The following VTCN1 variants were observed in gnomAD, a reference collection of about 807,000 sequenced individuals.
VTCN1 encodes V-set domain containing T cell activation inhibitor 1, also known as V-set domain-containing T-cell activation inhibitor 1.
A neutral mutation model predicts 26.5 loss-of-function variants in VTCN1; 26 were observed. That is an observed-to-expected ratio of 0.98 (90% CI 0.72 to 1.36). The LOEUF (loss-of-function observed/expected upper bound fraction) is 1.36, where lower values mean the gene tolerates loss of function less well. Among genes scored for constraint, VTCN1 ranks in the 40% most tolerant of loss-of-function variants. VTCN1 has a pLI of 0.00. For synonymous variants in VTCN1, 116 were observed against 130.7 expected, an observed-to-expected ratio of 0.89 and a Z score of 0.77; for missense variants, 298 against 337.7, an observed-to-expected ratio of 0.88 and a Z score of 0.92.
At position 117,204,797 on chromosome 1, in the gene VTCN1, T is replaced by C. The variant is rs1648960038; in HGVS notation, c.32+6027A>G. On this transcript the variant is annotated intron_variant, in intron 1 of 5. Coordinates refer to ENST00000369458, the MANE Select transcript of VTCN1 (RefSeq NM_024626.4). The stretch of plus-strand genomic sequence containing the variant: ...AGGAGAATCACTTGAACATGGGAGG[T>C]GAAAGTTGCAGTGAGCCGAGATCAC... 2.0e-5 allele frequency among the ~76,000 whole-genome samples: 3 copies of C among 146,806 alleles called. No homozygotes were observed. In the Middle Eastern group the frequency reaches 0.011, roughly 521 times the overall value.
chr1:117,150,935 A>G (rs1003748451), intron 4 of VTCN1, among the ~76,000 whole-genome samples: 3 of 152,196 alleles, frequency 2.0e-5, no homozygotes, highest in African/African-American at 7.2e-5. Context: ...ATGTCATAGC[A>G]TATGATAGGA....
intron 2 of VTCN1, among the ~76,000 whole-genome samples, chr1:117,168,721 GA>G (rs1268194621): frequency 6.6e-6 from 1 of 152,060 alleles, no homozygotes; most frequent in African/African-American, 2.4e-5. Context: ...TACCCCAATA[GA>G]AAAAAATGAA....
chr1:117,184,331 G>A (rs890385399), intron 1 of VTCN1, among the ~76,000 whole-genome samples: 2 of 151,986 alleles, frequency 1.3e-5, no homozygotes, highest in African/African-American at 2.4e-5. Context: ...GAGGCTGACT[G>A]AGCTTGTCCT....
intron 1 of VTCN1, among the ~76,000 whole-genome samples, chr1:117,181,320 T>G (rs1647660782): frequency 2.6e-5 from 4 of 152,134 alleles, no homozygotes; most frequent in Admixed American, 2.0e-4. Context: ...TAACTCCTGA[T>G]TGCTTATGAA....
chr1:117,178,736 T>C (rs4659165), intron 1 of VTCN1, among the ~76,000 whole-genome samples: 1 of 151,168 alleles, frequency 6.6e-6, no homozygotes, highest in African/African-American at 2.4e-5. Flanking sequence ...TGGGACTACA[T>C]ACATGTGCCA....
intron 1 of VTCN1, among the ~76,000 whole-genome samples, chr1:117,170,979 T>C (rs1398536673): frequency 6.6e-6 from 1 of 152,144 alleles, no homozygotes; most frequent in African/African-American, 2.4e-5. Flanking sequence ...ATGCATTATT[T>C]GTCCTAATGC....
In VTCN1 at chr1:117,145,477, C is replaced by A. The variant is rs1277436152; in HGVS notation, c.*46-252G>T. Among the ~76,000 whole-genome samples the A allele has an allele frequency of 6.6e-6, 1 of 152,024 alleles. No homozygotes were observed. Among genetic ancestry groups the A allele is most frequent in the Admixed American group, 6.6e-5 (1 of 15,260 alleles). On this transcript the variant is annotated intron_variant, in intron 5 of 5. Coordinates refer to ENST00000369458, the MANE Select transcript of VTCN1 (RefSeq NM_024626.4). This position sits in a 1 kb window ranked among gnomAD's most constrained non-coding sequence, Gnocchi z 4.6. ...GTCTCAAGGAAGAGAAGAGATGGGT[C>A]CTTATAGTAAATGAGAACTGAGAGG... is the stretch of plus-strand genomic sequence containing the variant.
At chr1:117,181,772 C>T (rs979772425) in intron 1 of VTCN1, among the ~76,000 whole-genome samples, 2 of 152,124 alleles carry the variant, frequency 1.3e-5, no homozygotes, top group African/African-American at 4.8e-5. Context: ...AGAGGAAGAA[C>T]AGGGCAGGCT....
rs1264051194 is a variant in VTCN1 at position 117,147,592 on chromosome 1, AC to A, written c.*45+20del. ...AGCACCCACAGAACCAATATCCCAC[AC>A]TATTTGTGATTAATCTCACCTGTTG... On this transcript the variant is annotated intron_variant, in intron 5 of 5. Transcript: ENST00000369458. This position sits in a 1 kb window ranked among gnomAD's most constrained non-coding sequence, Gnocchi z 4.6. 6.3e-7 allele frequency: 1 copy of A among 1,588,458 alleles called. No individual in the cohort carries two copies. Among genetic ancestry groups the A allele is most frequent in the Non-Finnish European group, 8.6e-7 (1 of 1,168,598 alleles).
chr1:117,161,105 C>A lies in VTCN1; in HGVS notation c.98-4184G>T, dbSNP rs1450137090. ...CTGGGAGACGAATTATGAAAGAGGA[C>A]AAAATGAAGTTTTTGCTGTGTAATA... On this transcript the variant is annotated intron_variant, in intron 2 of 5. Transcript: ENST00000369458. The surrounding 1 kb of genome is among the most constrained non-coding windows in gnomAD (Gnocchi z 4.3). 6.6e-6 allele frequency among the ~76,000 whole-genome samples: 1 copy of A among 152,158 alleles called. No individual in the cohort carries two copies. Among genetic ancestry groups the A allele is most frequent in the Non-Finnish European group, 1.5e-5 (1 of 68,016 alleles).
At chr1:117,168,749 CAT>C (rs1023577036) in intron 2 of VTCN1, among the ~76,000 whole-genome samples, 147 of 152,094 alleles carry the variant, frequency 9.7e-4, no homozygotes, top group African/African-American at 3.3e-3. Context: ...ATAAAATACA[CAT>C]GTTATTTACT....
At chr1:117,157,597 T>C (rs1439943984) in intron 2 of VTCN1, among the ~76,000 whole-genome samples, 1 of 152,166 alleles carries the variant, frequency 6.6e-6, no homozygotes, top group Non-Finnish European at 1.5e-5. Flanking sequence ...CCACAACACA[T>C]GGGAATTATG....
At chr1:117,148,318 T>C (rs1215612678) in intron 4 of VTCN1, among the ~76,000 whole-genome samples, 1 of 152,240 alleles carries the variant, frequency 6.6e-6, no homozygotes, top group Non-Finnish European at 1.5e-5. Context: ...TGTGTGACTT[T>C]AGGCAAGTTA....
chr1:117,162,086 G>C (rs1326234012), intron 2 of VTCN1, among the ~76,000 whole-genome samples: 1 of 152,102 alleles, frequency 6.6e-6, no homozygotes, highest in Non-Finnish European at 1.5e-5. Flanking sequence ...CCTGCTGCAG[G>C]TTCTAGTCAT....
intron 4 of VTCN1, among the ~76,000 whole-genome samples, chr1:117,150,983 A>G (rs1231086710): frequency 1.3e-5 from 2 of 152,150 alleles, no homozygotes; most frequent in African/African-American, 4.8e-5. Flanking sequence ...ATTCTATTGT[A>G]TGTGTATACC....
rs931921501 is a variant in VTCN1 at position 117,177,943 on chromosome 1, G to T, written c.33-7772C>A. 3.2e-4 allele frequency among the ~76,000 whole-genome samples: 48 copies of T among 148,886 alleles called. 1 individual carries two copies. The highest frequency in any genetic ancestry group is 7.4e-5 in the Non-Finnish European group (5 of 67,426). On this transcript the variant is annotated intron_variant, in intron 1 of 5. Transcript: ENST00000369458. ...TTTCTTTTTTTTTTTTTTTTTGGCG[G>T]GGTAGGTTGGGGGTGGCGACAGCCT...
intron 2 of VTCN1, among the ~76,000 whole-genome samples, chr1:117,166,452 A>G (rs1294053155): frequency 6.6e-6 from 1 of 152,056 alleles, no homozygotes; most frequent in Non-Finnish European, 1.5e-5. Context: ...GGTAAATTAT[A>G]ATTAACAGTT....
intron 1 of VTCN1, among the ~76,000 whole-genome samples, chr1:117,180,370 G>A (rs116572537): frequency 1.7e-3 from 257 of 152,202 alleles, no homozygotes; most frequent in Non-Finnish European, 2.9e-3. Context: ...CAAGCAGAGC[G>A]AGACAAAAGG....
chr1:117,151,593 T>C (rs951299136), intron 4 of VTCN1, among the ~76,000 whole-genome samples: 31 of 140,602 alleles, frequency 2.2e-4, no homozygotes, highest in Admixed American at 1.3e-3. Context: ...GATTGGTTCA[T>C]TTTTACAGAG....
Sources: gnomAD v4.1 joint callset for allele counts (sites outside exome capture counted in the v4.1 genomes callset) on GRCh38, gnomAD v4.1.1 for gene constraint, Gnocchi (gnomAD v3.1) non-coding constraint, MANE v1.5 for transcripts, NCBI Gene and HGNC (gene_info 2026-07-23, HGNC 2026-07-21) for gene names.